ROR2: variants seen among roughly 807,000 people sequenced by gnomAD.
The protein encoded by ROR2 is ROR family WNT receptor 2.
A neutral mutation model predicts 74.9 loss-of-function variants in ROR2; 33 were observed. The ratio of observed to expected loss-of-function variants is 0.44; its 90% CI spans 0.33 to 0.59. The LOEUF (loss-of-function observed/expected upper bound fraction) is 0.59. ROR2 is among the 20% of genes least tolerant of loss of function. The pLI is 0.02. For missense variants in ROR2, 1,216 were observed against 1,313.8 expected, an observed-to-expected ratio of 0.93 and a Z score of 1.15; for synonymous variants, 586 against 558.7, an observed-to-expected ratio of 1.05 and a Z score of -0.69.
intron 1 of ROR2, among the ~76,000 whole-genome samples, chr9:91,907,690 G>A (rs1282008518): frequency 1.3e-5 from 2 of 152,238 alleles, no homozygotes; most frequent in East Asian, 1.9e-4. Flanking sequence ...CCAAATTCCT[G>A]AGATCTATCC....
chr9:91,786,764 AC>A (rs1826818078), intron 1 of ROR2, among the ~76,000 whole-genome samples: 1 of 152,094 alleles, frequency 6.6e-6, no homozygotes, highest in Admixed American at 6.5e-5. Flanking sequence ...GATGGCAGAT[AC>A]CCCTGGGGCA....
chr9:91,764,581 C>CACACACACACACACACAT (rs1826006951), intron 2 of ROR2, among the ~76,000 whole-genome samples: 2 of 151,970 alleles, frequency 1.3e-5, no homozygotes. Context: ...CACACACACA[C>CACACACACACACACACAT]ACACACCACA....
At chr9:91,940,274 T>C (rs548635474) in intron 1 of ROR2, among the ~76,000 whole-genome samples, 1 of 152,306 alleles carries the variant, frequency 6.6e-6, no homozygotes, top group South Asian at 2.1e-4. Context: ...GCTGAAGTAT[T>C]TTCAGGTAAA....
At position 91,723,689 on chromosome 9, in the gene ROR2, G is replaced by A. The variant is rs41277835; in HGVS notation, c.2805C>T (p.Asp935=). ...AAGCTTCCAGCTGGACTTGGGCCTC[G>A]TCCACCTGCAGAGTGTCACAGTCCC... ...LLGDCDTLQV[D]EAQVQLEA is the part of the protein sequence containing the mutation. The change falls in exon 9 of 9, where the codon GAC becomes GAT. Residue 935 remains aspartate, a synonymous_variant. Transcript: ENST00000375708. The A allele has an allele frequency of 1.1e-5, 17 of 1,613,690 alleles. No homozygotes were observed. The highest frequency in any genetic ancestry group is 1.6e-4 in the Middle Eastern group (1 of 6,074).
rs1829948565 is a variant in ROR2 at position 91,876,093 on chromosome 9, C to T, written c.97+73774G>A. On this transcript the variant is annotated intron_variant, in intron 1 of 8. Transcript: ENST00000375708. ...GTTTGTCATTAAAATTAAAATAAGGCCAGATGCAGTGGCTCCCACCTGGAA... is the reference window on the plus strand; with the variant it reads ...GTTTGTCATTAAAATTAAAATAAGGTCAGATGCAGTGGCTCCCACCTGGAA... 3.3e-5 allele frequency among the ~76,000 whole-genome samples: 5 copies of T among 151,802 alleles called. No homozygotes were observed. The South Asian group carries it at 1.0e-3, about 32-fold the overall frequency.
At chr9:91,872,895 C>G (rs1480410948) in intron 1 of ROR2, among the ~76,000 whole-genome samples, 1 of 152,166 alleles carries the variant, frequency 6.6e-6, no homozygotes, top group African/African-American at 2.4e-5. Flanking sequence ...AACCAGGAAC[C>G]AGGCCCATGC....
intron 4 of ROR2, among the ~76,000 whole-genome samples, chr9:91,747,490 A>G (rs1388867094): frequency 6.6e-6 from 1 of 152,236 alleles, no homozygotes; most frequent in African/African-American, 2.4e-5. Context: ...CACGCTGCAC[A>G]CAGGGCTAAG....
chr9:91,943,742 T>C (rs1206454726), intron 1 of ROR2, among the ~76,000 whole-genome samples: 1 of 152,232 alleles, frequency 6.6e-6, no homozygotes, highest in Non-Finnish European at 1.5e-5. Flanking sequence ...ATGTTACTCA[T>C]TTGCAACACA....
At chr9:91,744,188 T>C (rs112150349) in intron 4 of ROR2, among the ~76,000 whole-genome samples, 4 of 148,124 alleles carry the variant, frequency 2.7e-5, no homozygotes, top group African/African-American at 9.9e-5. Context: ...TGGCGCACAG[T>C]TGACCCTCCA....
intron 7 of ROR2, among the ~76,000 whole-genome samples, chr9:91,728,384 G>A (rs1016395947): frequency 3.3e-5 from 5 of 152,028 alleles, no homozygotes; most frequent in Non-Finnish European, 5.9e-5. Context: ...TTCTTAATTC[G>A]AATGTTGAAT....
At chr9:91,858,301 G>A (rs910766378) in intron 1 of ROR2, among the ~76,000 whole-genome samples, 12 of 152,138 alleles carry the variant, frequency 7.9e-5, no homozygotes, top group African/African-American at 2.2e-4. Context: ...GCATCCACAC[G>A]GGCATACACA....
At chr9:91,897,630 G>C (rs1479579896) in intron 1 of ROR2, among the ~76,000 whole-genome samples, 1 of 152,188 alleles carries the variant, frequency 6.6e-6, no homozygotes, top group Non-Finnish European at 1.5e-5. Flanking sequence ...CCTAAGATGT[G>C]GGGTGAGCTT....
At chr9:91,839,646 G>A (rs1828724503) in intron 1 of ROR2, among the ~76,000 whole-genome samples, 1 of 150,728 alleles carries the variant, frequency 6.6e-6, no homozygotes, top group South Asian at 2.1e-4. Flanking sequence ...GGTGTGAGAG[G>A]TATATATGTG....
At chr9:91,949,802 C>T (rs1832122366) in intron 1 of ROR2, 65 bp downstream of exon 1, 6 of 1,049,248 alleles carry the variant, frequency 5.7e-6, no homozygotes, top group Non-Finnish European at 8.6e-6. Context: ...ATAGTGGCGG[C>T]GGAAGGGCTG....
intron 1 of ROR2, among the ~76,000 whole-genome samples, chr9:91,842,475 T>C (rs1828811677): frequency 6.6e-6 from 1 of 152,222 alleles, no homozygotes; most frequent in South Asian, 2.1e-4. Context: ...ATGCTGGCCC[T>C]TGGGGGCCGT....
At chr9:91,931,716 A>C (rs1309726348) in intron 1 of ROR2, among the ~76,000 whole-genome samples, 1 of 152,204 alleles carries the variant, frequency 6.6e-6, no homozygotes, top group Non-Finnish European at 1.5e-5. Context: ...CAAGTATTAA[A>C]ATTTCTTCTT....
rs191543988 is a variant in ROR2 at position 91,884,396 on chromosome 9, G to T, written c.97+65471C>A. On this transcript the variant is annotated intron_variant, in intron 1 of 8. Coordinates refer to ENST00000375708, the MANE Select transcript of ROR2 (RefSeq NM_004560.4). ...GTCTCCTCCAGGAGTCATGGGGGGT[G>T]GGGGGAGGCTTCAGGCATGACTTGT... Among the ~76,000 whole-genome samples the T allele has an allele frequency of 3.7e-3, 558 of 151,716 alleles. 4 individuals are homozygous for T. The highest frequency in any genetic ancestry group is 2.1e-3 in the Non-Finnish European group (143 of 67,912).
chr9:91,878,607 C>T (rs769784191), intron 1 of ROR2, among the ~76,000 whole-genome samples: 4 of 152,188 alleles, frequency 2.6e-5, no homozygotes, highest in Non-Finnish European at 5.9e-5. Flanking sequence ...TCAAATTGGT[C>T]CAGTTCACCT....
chr9:91,920,166 T>G (rs61266489), intron 1 of ROR2, among the ~76,000 whole-genome samples: 21,532 of 152,224 alleles, frequency 0.14, 3,354 homozygotes, highest in African/African-American at 0.39. Context: ...AGGAAAAAAT[T>G]TAAAAAGCAT....
Sources: gnomAD v4.1 joint callset for allele counts (sites outside exome capture counted in the v4.1 genomes callset) on GRCh38, gnomAD v4.1.1 for gene constraint, MANE v1.5 for transcripts, NCBI Gene and HGNC (gene_info 2026-07-23, HGNC 2026-07-21) for gene names.